PHF6: variants seen among roughly 807,000 people sequenced by gnomAD.
PHF6 encodes PHD finger protein 6.
In PHF6, 7 loss-of-function variants were observed where a neutral mutation model predicts 34.0. The ratio of observed to expected loss-of-function variants is 0.21; its 90% CI spans 0.12 to 0.39. The LOEUF is 0.39. PHF6 is among the 10% of genes least tolerant of loss of function. The pLI, the probability that PHF6 is intolerant of heterozygous loss-of-function variation, is 1.00. For missense variants in PHF6, 128 were observed against 262.8 expected, an observed-to-expected ratio of 0.49 and a Z score of 3.55; for synonymous variants, 89 against 88.4, an observed-to-expected ratio of 1.01 and a Z score of -0.04.
chrX:134,377,450 C>A, intron 1 of PHF6, 122 bp from the exon 2 acceptor site: 3 of 477,018 alleles, frequency 6.3e-6, no homozygotes, highest in Non-Finnish European at 3.4e-6. Context: ...TTTGTCTATA[C>A]TAAATAAACA....
intron 5 of PHF6, among the ~76,000 whole-genome samples, chrX:134,396,675 A>G (rs1374618180): frequency 9.0e-6 from 1 of 111,324 alleles, no homozygotes; most frequent in Non-Finnish European, 1.9e-5. Context: ...TATAATTTAA[A>G]GTATTAAAGC....
intron 3 of PHF6, among the ~76,000 whole-genome samples, chrX:134,381,696 T>C (rs1431806638): frequency 9.1e-6 from 1 of 109,940 alleles, no homozygotes; most frequent in Non-Finnish European, 1.9e-5. Flanking sequence ...GGTTTCACCA[T>C]GTTAGGCTGG....
rs188961105 is a variant in PHF6 at position 134,413,970 on chromosome X, A to G, written c.729+4A>G. 1,486 of 1,206,976 alleles carry G rather than the reference A, an allele frequency of 1.2e-3. 12 individuals carry two copies. In the African/African-American group the frequency reaches 0.023, roughly 19 times the overall value. Reference sequence around the variant, plus strand: ...AGCTGCCCATTATAAGTGCATGGTAAGCATGGTTCTTTTAAGCCCAATTTT... The same window carrying G: ...AGCTGCCCATTATAAGTGCATGGTAGGCATGGTTCTTTTAAGCCCAATTTT... On this transcript the variant is annotated splice_donor_region_variant and intron_variant, in intron 7 of 10. Transcript: ENST00000370803.
chrX:134,425,274 G>A lies in PHF6; in HGVS notation c.1042G>A (p.Gly348Arg), dbSNP rs1245453367. ...EDEERESKSR[G>R]KVEIDQQQLT... is the part of the protein sequence containing the mutation. Reference sequence around the variant, plus strand: ...TGAGGAACGAGAGAGTAAAAGCCGAGGAAAAGTAGAAATTGATCAGCAACA... The same window carrying A: ...TGAGGAACGAGAGAGTAAAAGCCGAAGAAAAGTAGAAATTGATCAGCAACA... The change falls in exon 10 of 11, where the codon GGA (glycine) becomes AGA (arginine). Residue 348 changes from glycine (G) to arginine (R), a missense_variant. Transcript: ENST00000370803. 1.7e-6 allele frequency: 2 copies of A among 1,209,105 alleles called. No homozygotes were observed. The highest frequency in any genetic ancestry group is 2.2e-6 in the Non-Finnish European group (2 of 894,674).
At chrX:134,399,886 T>C (rs748692712) in intron 5 of PHF6, among the ~76,000 whole-genome samples, 1 of 111,334 alleles carries the variant, frequency 9.0e-6, no homozygotes, top group African/African-American at 3.3e-5. Context: ...TACAGTATCA[T>C]ACAGAATCAT....
intron 5 of PHF6, among the ~76,000 whole-genome samples, chrX:134,404,686 CTTAAT>C (rs1258437605): frequency 1.8e-5 from 2 of 111,534 alleles, no homozygotes; most frequent in East Asian, 5.6e-4. Context: ...TCAGTGTTGT[CTTAAT>C]TTAAGAAATT....
At position 134,417,207 on chromosome X, in the gene PHF6, A is replaced by T. The variant is rs764330395; in HGVS notation, c.873A>T (p.Gly291=). ...TLCSQPGATI[G]CEIKACVKTY... ...GCAGTCAGCCTGGTGCTACTATTGG[A>T]TGTGAAATAAAAGCCTGTGTTAAGA... The change falls in exon 9 of 11, where the codon GGA becomes GGT. Residue 291 remains glycine, a synonymous_variant. Coordinates refer to ENST00000370803, the MANE Select transcript of PHF6 (RefSeq NM_001015877.2). 1.2e-5 allele frequency: 14 copies of T among 1,208,552 alleles called. No homozygotes were observed. The highest frequency in any genetic ancestry group is 1.6e-5 in the Non-Finnish European group (14 of 893,707).
At chrX:134,383,142 A>T (rs2077314859) in intron 3 of PHF6, among the ~76,000 whole-genome samples, 1 of 110,386 alleles carries the variant, frequency 9.1e-6, no homozygotes, top group Non-Finnish European at 1.9e-5. Context: ...CAAGAGGCTG[A>T]GGTGGGAGGA....
At chrX:134,407,060 G>C (rs1321581473) in intron 5 of PHF6, among the ~76,000 whole-genome samples, 2 of 112,037 alleles carry the variant, frequency 1.8e-5, no homozygotes, top group African/African-American at 6.5e-5. Context: ...CATACTTGTA[G>C]TTATTCACTG....
intron 5 of PHF6, among the ~76,000 whole-genome samples, chrX:134,406,062 T>TTTCTTTCTTTCTTTCTTTCTTTC (rs2077422140): frequency 2.6e-5 from 2 of 78,076 alleles, no homozygotes; most frequent in African/African-American, 4.8e-5. Context: ...TCCTTTTTCT[T>TTTCTTTCTTTCTTTCTTTCTTTC]TTTCTTTCTT....
At chrX:134,394,664 C>T (rs1483694492) in intron 5 of PHF6, among the ~76,000 whole-genome samples, 2 of 106,997 alleles carry the variant, frequency 1.9e-5, no homozygotes, top group Non-Finnish European at 3.9e-5. Flanking sequence ...CTCAGCCTCC[C>T]GAGTAGCTGG....
intron 3 of PHF6, 76 bp downstream of exon 3, chrX:134,378,182 G>A (rs2077287438): frequency 1.6e-6 from 1 of 628,927 alleles, no homozygotes; most frequent in Non-Finnish European, 2.5e-6. Flanking sequence ...ATTTTAGAGT[G>A]TATTGCATTA....
intron 9 of PHF6, among the ~76,000 whole-genome samples, chrX:134,420,882 C>T (rs2077489383): frequency 9.0e-6 from 1 of 111,394 alleles, no homozygotes; most frequent in South Asian, 3.7e-4. Flanking sequence ...CTGTGAGCCA[C>T]CATGCCTGGC....
chrX:134,408,908 T>C (rs1008426192), intron 5 of PHF6, among the ~76,000 whole-genome samples: 8 of 111,577 alleles, frequency 7.2e-5, no homozygotes, highest in Non-Finnish European at 1.5e-4. Flanking sequence ...GAGACGGGGT[T>C]TTGCCATGTT....
chrX:134,423,177 C>T (rs2077497510), intron 9 of PHF6, among the ~76,000 whole-genome samples: 2 of 111,917 alleles, frequency 1.8e-5, no homozygotes, highest in Non-Finnish European at 3.8e-5. Context: ...TATACCCAAT[C>T]CATTTTCACA....
chrX:134,374,324 A>G (rs1045405175), intron 1 of PHF6, among the ~76,000 whole-genome samples: 1 of 112,051 alleles, frequency 8.9e-6, no homozygotes, highest in Non-Finnish European at 1.9e-5. Context: ...TACTGTTCAA[A>G]TTCTTTCTCT....
At chrX:134,387,949 T>C (rs185819083) in intron 3 of PHF6, among the ~76,000 whole-genome samples, 121 of 111,826 alleles carry the variant, frequency 1.1e-3, no homozygotes, top group African/African-American at 3.7e-3. Flanking sequence ...TTAAAAGTAG[T>C]GTTTAGTTTG....
intron 3 of PHF6, among the ~76,000 whole-genome samples, chrX:134,380,702 T>G (rs1368054383): frequency 2.7e-5 from 3 of 111,968 alleles, no homozygotes; most frequent in African/African-American, 9.7e-5. Flanking sequence ...CTCCAGGCCA[T>G]GTTTTCCTCA....
At chrX:134,399,686 GAC>G (rs749494093) in intron 5 of PHF6, among the ~76,000 whole-genome samples, 52 of 95,119 alleles carry the variant, frequency 5.5e-4, no homozygotes, top group South Asian at 9.1e-4. Flanking sequence ...CACACACACA[GAC>G]ACACACACAC....
Sources: gnomAD v4.1 joint callset for allele counts (sites outside exome capture counted in the v4.1 genomes callset) on GRCh38, gnomAD v4.1.1 for gene constraint, MANE v1.5 for transcripts, NCBI Gene and HGNC (gene_info 2026-07-23, HGNC 2026-07-21) for gene names.